Variants in KIF5C observed in about 807,000 individuals in gnomAD.
KIF5C encodes the protein kinesin heavy chain isoform 5C.
Under a neutral mutation model 125.2 loss-of-function variants are expected in KIF5C, and 18 were observed. The ratio of observed to expected loss-of-function variants is 0.14; its 90% confidence interval spans 0.10 to 0.21. The LOEUF (loss-of-function observed/expected upper bound fraction) is 0.21. KIF5C is among the 10% of genes least tolerant of loss of function. The pLI, the probability that KIF5C is intolerant of heterozygous loss-of-function variation, is 1.00. For synonymous variants in KIF5C, 405 were observed against 434.0 expected (o/e 0.93, Z 0.83); for missense variants, 780 against 1,183.8 (o/e 0.66, Z 5.01).
chr2:148,922,007 T>G, intron 1 of KIF5C, 130 bp from the exon 2 acceptor site: 1 of 564,666 alleles, frequency 1.8e-6, no homozygotes, highest in Non-Finnish European at 3.1e-6. Context: ...CTCTTGGTAA[T>G]GAACTGCCTT....
At chr2:148,969,506 C>T (rs1680844579) in intron 11 of KIF5C, among the ~76,000 whole-genome samples, 1 of 150,622 alleles carries the variant, frequency 6.6e-6, no homozygotes, top group Non-Finnish European at 1.5e-5. Flanking sequence ...ATATTATGAG[C>T]TCTTTTCCTA....
In KIF5C at chr2:149,024,354, G is replaced by A. The variant is rs571098763; in HGVS notation, c.*1284G>A. Reference sequence around the variant, plus strand: ...TTGACAAATTTGGGGGTAAGTCAATGACAACCAAACCAATCTCGGTGGAAA... The same window carrying A: ...TTGACAAATTTGGGGGTAAGTCAATAACAACCAAACCAATCTCGGTGGAAA... On this transcript the variant is annotated 3_prime_UTR_variant, in exon 26 of 26. Transcript: ENST00000435030. 1.4e-4 allele frequency: 21 copies of A among 152,330 alleles called. No individual in the cohort carries two copies. Among genetic ancestry groups the A allele is most frequent in the Admixed American group, 5.9e-4 (9 of 15,260 alleles). The allele number at this position is 152,330 out of a possible 1,614,324, so 9.4% of individuals were successfully genotyped here.
chr2:148,912,443 C>A (rs886476312), intron 1 of KIF5C, among the ~76,000 whole-genome samples: 8 of 152,164 alleles, frequency 5.3e-5, no homozygotes, highest in Admixed American at 5.2e-4. Flanking sequence ...AGAAAAAATT[C>A]TATGTGTGTA....
intron 24 of KIF5C, among the ~76,000 whole-genome samples, chr2:149,011,206 G>A (rs1282557207): frequency 6.6e-6 from 1 of 152,152 alleles, no homozygotes; most frequent in Non-Finnish European, 1.5e-5. Context: ...CCAGAAAACA[G>A]CATCACAGGC....
intron 11 of KIF5C, among the ~76,000 whole-genome samples, chr2:148,963,018 T>A (rs1682966307): frequency 6.7e-6 from 1 of 149,970 alleles, no homozygotes; most frequent in African/African-American, 2.5e-5. Flanking sequence ...TTTGTTCTAC[T>A]GGGAGAAAAT....
rs1168648293 is a variant in KIF5C, at chr2:148,924,584, A to G, written c.217+2357A>G. On this transcript the variant is annotated intron_variant, in intron 2 of 25. Coordinates refer to ENST00000435030, the MANE Select transcript of KIF5C (RefSeq NM_004522.3). This position sits in a 1 kb window ranked among gnomAD's most constrained non-coding sequence, Gnocchi z 4.0. Reference sequence around the variant, plus strand: ...TTGTTTTTCAAAATTTTGCTTGAAAAAGCATGTAGAATTCTCCTCCATTTC... The same window carrying G: ...TTGTTTTTCAAAATTTTGCTTGAAAGAGCATGTAGAATTCTCCTCCATTTC... Among the ~76,000 whole-genome samples the G allele has an allele frequency of 2.0e-5, 3 of 152,166 alleles. No homozygotes were observed. The East Asian group carries it at 5.8e-4, about 29-fold the overall frequency.
chr2:149,004,294 C>T (rs1254061637), intron 21 of KIF5C, among the ~76,000 whole-genome samples: 1 of 152,158 alleles, frequency 6.6e-6, no homozygotes, highest in African/African-American at 2.4e-5. Context: ...TAGATGTGAG[C>T]GTGTGTGAGT....
At chr2:148,985,539 C>T (rs960890086) in intron 15 of KIF5C, among the ~76,000 whole-genome samples, 1 of 152,186 alleles carries the variant, frequency 6.6e-6, no homozygotes, top group Non-Finnish European at 1.5e-5. Flanking sequence ...TATAATAATA[C>T]AGCATCTTAT....
intron 12 of KIF5C, among the ~76,000 whole-genome samples, chr2:148,978,181 G>A (rs1681129096): frequency 6.6e-6 from 1 of 152,068 alleles, no homozygotes; most frequent in South Asian, 2.1e-4. Flanking sequence ...GAGTCTAAGG[G>A]GAGGTGGGGA....
intron 19 of KIF5C, 153 bp downstream of exon 19, chr2:148,998,662 C>T (rs1003418873): frequency 1.6e-6 from 2 of 1,270,748 alleles, no homozygotes; most frequent in African/African-American, 3.0e-5. Flanking sequence ...GGGCTGCTTC[C>T]AAGGTCTGTT....
intron 1 of KIF5C, among the ~76,000 whole-genome samples, chr2:148,904,158 A>G (rs943339675): frequency 1.3e-5 from 2 of 152,248 alleles, no homozygotes; most frequent in Non-Finnish European, 2.9e-5. Flanking sequence ...GTTTAATTAC[A>G]TGTTGAATGG....
chr2:148,878,602 C>G (rs1307076680), intron 1 of KIF5C: 1 of 152,246 alleles, frequency 6.6e-6, no homozygotes, highest in African/African-American at 2.4e-5. Context: ...GTGCCAGGAT[C>G]CTTCCCATTC....
At chr2:148,970,647 C>G (rs192435603) in intron 11 of KIF5C, among the ~76,000 whole-genome samples, 2 of 152,284 alleles carry the variant, frequency 1.3e-5, no homozygotes, top group East Asian at 1.9e-4. Flanking sequence ...CTGGGACAAC[C>G]CTTCTACTTG....
At chr2:148,899,702 CAAAAAA>C (rs771196518) in intron 1 of KIF5C, among the ~76,000 whole-genome samples, 1 of 46,072 alleles carries the variant, frequency 2.2e-5, no homozygotes, top group Non-Finnish European at 4.7e-5. Context: ...AACTCCATCT[CAAAAAA>C]AAAAAAAAAA....
At chr2:148,894,959 C>CA (rs1681801054) in intron 1 of KIF5C, among the ~76,000 whole-genome samples, 2 of 150,354 alleles carry the variant, frequency 1.3e-5, no homozygotes, top group African/African-American at 4.9e-5. Context: ...TAACACCTTA[C>CA]TTTTATAAAT....
At chr2:148,983,876 TGTG>T in intron 15 of KIF5C, 110 bp downstream of exon 15, 1 of 1,285,098 alleles carries the variant, frequency 7.8e-7, no homozygotes, top group South Asian at 3.4e-5. Flanking sequence ...GCATCTGCCA[TGTG>T]CTGGTTAGTG....
chr2:148,989,619 C>T (rs1681473665), intron 15 of KIF5C, among the ~76,000 whole-genome samples: 1 of 152,170 alleles, frequency 6.6e-6, no homozygotes. Context: ...TAAAAGCATT[C>T]CCTGTTCATC....
rs886490936 is a variant in KIF5C, at chr2:149,005,300, G to A, written c.2374-93G>A. 7.7e-6 allele frequency: 12 copies of A among 1,550,818 alleles called. No homozygotes were observed. The African/African-American group carries it at 1.6e-4, about 21-fold the overall frequency. ...GGTGCACCAGCGGCGTCCATGGCAGGCTTGGGAAGTGTCGGGGGAATGATC... is the reference window on the plus strand; with the variant it reads ...GGTGCACCAGCGGCGTCCATGGCAGACTTGGGAAGTGTCGGGGGAATGATC... On this transcript the variant is annotated intron_variant, in intron 21 of 25. Coordinates refer to ENST00000435030, the MANE Select transcript of KIF5C (RefSeq NM_004522.3).
chr2:148,916,628 G>A (rs1288966636), intron 1 of KIF5C, among the ~76,000 whole-genome samples: 1 of 151,796 alleles, frequency 6.6e-6, no homozygotes, highest in Admixed American at 6.6e-5. Flanking sequence ...GATGTAGGTT[G>A]GTCACCAACT....
Sources: allele counts gnomAD v4.1 joint callset (sites outside exome capture counted in the v4.1 genomes callset), GRCh38; gene constraint gnomAD v4.1.1; non-coding constraint Gnocchi (gnomAD v3.1); transcripts MANE v1.5; gene names NCBI Gene and HGNC (gene_info 2026-07-23, HGNC 2026-07-21).